Variants in IMPG2 observed in about 807,000 individuals in gnomAD.
The protein encoded by IMPG2 is interphotoreceptor matrix proteoglycan 2.
A neutral mutation model predicts 129.2 loss-of-function variants in IMPG2; 91 were observed. The observed-to-expected ratio is 0.70, with a 90% confidence interval of 0.59 to 0.84. The LOEUF is 0.84. Ranked by LOEUF, IMPG2 falls within the 40% of genes least tolerant of loss-of-function variation. The pLI, the probability that IMPG2 is intolerant of heterozygous loss-of-function variation, is 0.00. For synonymous variants in IMPG2, 510 were observed against 517.7 expected (o/e 0.99, Z 0.20); for missense variants, 1,430 against 1,461.7 (o/e 0.98, Z 0.35).
intron 3 of IMPG2, among the ~76,000 whole-genome samples, chr3:101,298,223 C>T (rs1198135194): frequency 1.3e-5 from 2 of 151,802 alleles, no homozygotes; most frequent in Non-Finnish European, 2.9e-5. Flanking sequence ...ATTGCAACCC[C>T]TGCTTTTTTT....
chr3:101,243,747 C>T lies in IMPG2; in HGVS notation c.2584G>A (p.Val862Ile). 1.2e-6 allele frequency: 2 copies of T among 1,613,778 alleles called. No individual in the cohort carries two copies. The highest frequency in any genetic ancestry group is 1.7e-6 in the Non-Finnish European group (2 of 1,179,718). The change falls in exon 13 of 19, where the codon GTT becomes ATT. Residue 862 changes from valine (V) to isoleucine (I), a missense_variant. Coordinates refer to ENST00000193391, the MANE Select transcript of IMPG2 (RefSeq NM_016247.4). ...PEQVQEQNGK[V>I]GSYVEMSTSV... ...GTTGACATTTCCACATAACTACCAA[C>T]CTTGCCATTTTGCTCTTGGACTTGC...
chr3:101,317,759 T>C (rs1393824664), intron 2 of IMPG2, among the ~76,000 whole-genome samples: 3 of 152,194 alleles, frequency 2.0e-5, no homozygotes, highest in African/African-American at 7.2e-5. Flanking sequence ...ATTCTAGGAA[T>C]GCTTTATGTT....
chr3:101,271,860 T>C (rs1398403351), intron 7 of IMPG2, among the ~76,000 whole-genome samples: 1 of 152,186 alleles, frequency 6.6e-6, no homozygotes, highest in Non-Finnish European at 1.5e-5. Flanking sequence ...ATGAACAAGT[T>C]ATTTGGCCTC....
At chr3:101,315,994 T>C (rs1415073652) in intron 2 of IMPG2, among the ~76,000 whole-genome samples, 1 of 152,096 alleles carries the variant, frequency 6.6e-6, no homozygotes, top group Admixed American at 6.6e-5. Context: ...TAAACACTGA[T>C]TTTCAACAAA....
At chr3:101,259,076 AT>A (rs1483364171) in intron 9 of IMPG2, among the ~76,000 whole-genome samples, 1 of 152,120 alleles carries the variant, frequency 6.6e-6, no homozygotes, top group African/African-American at 2.4e-5. Flanking sequence ...CAGCCCCTAC[AT>A]TCTGAACTAG....
At chr3:101,266,987 TAC>T (rs1281328051) in intron 9 of IMPG2, among the ~76,000 whole-genome samples, 3 of 152,156 alleles carry the variant, frequency 2.0e-5, no homozygotes, top group African/African-American at 7.2e-5. Context: ...CACAATGGAA[TAC>T]TATTCAGCCA....
chr3:101,240,856 T>G (rs1455295939), intron 14 of IMPG2, among the ~76,000 whole-genome samples: 1 of 152,212 alleles, frequency 6.6e-6, no homozygotes, highest in African/African-American at 2.4e-5. Context: ...AGAATAGGGC[T>G]GACTTTCAAA....
intron 9 of IMPG2, among the ~76,000 whole-genome samples, chr3:101,266,102 G>A (rs145923931): frequency 7.2e-5 from 11 of 152,254 alleles, no homozygotes; most frequent in African/African-American, 2.6e-4. Flanking sequence ...ACTTCTGGTG[G>A]GAATGTAAAC....
At chr3:101,258,393 A>C (rs1706635857) in intron 9 of IMPG2, among the ~76,000 whole-genome samples, 1 of 152,114 alleles carries the variant, frequency 6.6e-6, no homozygotes, top group Non-Finnish European at 1.5e-5. Flanking sequence ...TTAAGACTAA[A>C]TTGTAAAAAA....
chr3:101,269,612 A>C lies in IMPG2; in HGVS notation c.829-39T>G, dbSNP rs760456482. On this transcript the variant is annotated intron_variant, in intron 7 of 18. Coordinates refer to ENST00000193391, the MANE Select transcript of IMPG2 (RefSeq NM_016247.4). ...AAATAAAAATGATAACTATGTAAAA[A>C]TATGGAAAAATATATAGAAAATAAT... 10 of 1,095,738 alleles carry C rather than the reference A, an allele frequency of 9.1e-6. No individual in the cohort carries two copies. In the East Asian group the frequency reaches 2.4e-4, roughly 26 times the overall value. The allele number at this position is 1,095,738 out of a possible 1,614,324, so 67.9% of individuals were successfully genotyped here. A position where few individuals can be genotyped will look rare whatever the true frequency, so the allele number is the denominator to read the frequency against.
rs1706422498 is a variant in IMPG2 at position 101,242,670 on chromosome 3, T to C, written c.3022+18A>G. 1.3e-6 allele frequency: 2 copies of C among 1,551,612 alleles called. No homozygotes were observed. Among genetic ancestry groups the C allele is most frequent in the Non-Finnish European group, 8.9e-7 (1 of 1,123,348 alleles). On this transcript the variant is annotated intron_variant, in intron 14 of 18. Coordinates refer to ENST00000193391, the MANE Select transcript of IMPG2 (RefSeq NM_016247.4). ...ACTGGATTCTACTAAGAAACCACCA[T>C]GCTAGGCAATATCATACCTGATTCC...
At chr3:101,249,173 T>G (rs1706517218) in intron 11 of IMPG2, among the ~76,000 whole-genome samples, 1 of 152,204 alleles carries the variant, frequency 6.6e-6, no homozygotes. Context: ...CTGTTGTTAG[T>G]CTCTGCATAC....
At chr3:101,296,244 A>G (rs1479304242) in intron 3 of IMPG2, among the ~76,000 whole-genome samples, 1 of 152,146 alleles carries the variant, frequency 6.6e-6, no homozygotes, top group Non-Finnish European at 1.5e-5. Context: ...GTCCATCAAT[A>G]CCTAGTTTGT....
At chr3:101,235,310 A>G (rs1043602006) in intron 14 of IMPG2, among the ~76,000 whole-genome samples, 1 of 152,244 alleles carries the variant, frequency 6.6e-6, no homozygotes, top group Non-Finnish European at 1.5e-5. Context: ...CATGAGGCCA[A>G]GTGAAGAAAT....
rs1371206711 is a variant in IMPG2, at chr3:101,273,581, C to A, written c.828G>T (p.Glu276Asp). ...GTTTGTTTTTTTTTTAATCACCCAC[C>A]TCTGAAATAAATTCTTCTTCAAGGT... The part of the protein sequence containing the change: ...HQHLEEEFIS[E>D]VENAFTGLPG... Residue 276 changes from glutamate (E) to aspartate (D), a missense_variant and splice_region_variant, in exon 7 of 19, where the codon GAG becomes GAT. Glu to Asp is a conservative substitution (Grantham distance 45). Coordinates refer to ENST00000193391, the MANE Select transcript of IMPG2 (RefSeq NM_016247.4). 1 of 1,613,792 alleles carries A rather than the reference C, an allele frequency of 6.2e-7. No individual in the cohort carries two copies. Among genetic ancestry groups the A allele is most frequent in the Non-Finnish European group, 8.5e-7 (1 of 1,179,942 alleles).
At chr3:101,307,956 C>T (rs1250335701) in intron 2 of IMPG2, among the ~76,000 whole-genome samples, 7 of 152,172 alleles carry the variant, frequency 4.6e-5, no homozygotes. Context: ...GTAAATACAC[C>T]TGTTGCAAAT....
chr3:101,232,036 T>A (rs1337399630), intron 15 of IMPG2, among the ~76,000 whole-genome samples: 1 of 152,146 alleles, frequency 6.6e-6, no homozygotes, highest in African/African-American at 2.4e-5. Flanking sequence ...TAAGTATGAA[T>A]AAGAGGGGCC....
At chr3:101,289,862 A>G (rs1357323141) in intron 4 of IMPG2, among the ~76,000 whole-genome samples, 3 of 151,296 alleles carry the variant, frequency 2.0e-5, no homozygotes, top group African/African-American at 7.3e-5. Flanking sequence ...GGGGTCAGAG[A>G]GAAATGGATG....
At chr3:101,283,204 T>C (rs1412590204) in intron 4 of IMPG2, among the ~76,000 whole-genome samples, 1 of 152,086 alleles carries the variant, frequency 6.6e-6, no homozygotes, top group African/African-American at 2.4e-5. Flanking sequence ...TTTTGTATTT[T>C]TGTAGAGACG....
Sources: allele counts gnomAD v4.1 joint callset (sites outside exome capture counted in the v4.1 genomes callset), GRCh38; gene constraint gnomAD v4.1.1; transcripts MANE v1.5; gene names NCBI Gene and HGNC (gene_info 2026-07-23, HGNC 2026-07-21).